R3HDM2: variants seen among roughly 807,000 people sequenced by gnomAD.
R3HDM2 encodes R3H domain-containing protein 2.
In R3HDM2, 38 loss-of-function variants were observed where a neutral mutation model predicts 124.5. The ratio of observed to expected loss-of-function variants is 0.31; its 90% CI spans 0.24 to 0.40. R3HDM2 has a LOEUF of 0.40. Among genes scored for constraint, R3HDM2 ranks in the 10% least tolerant of loss-of-function variants. The pLI is 1.00. For synonymous variants in R3HDM2, 391 were observed against 448.0 expected, an observed-to-expected ratio of 0.87 and a Z score of 1.61; for missense variants, 869 against 1,236.9, an observed-to-expected ratio of 0.70 and a Z score of 4.46.
intron 2 of R3HDM2, among the ~76,000 whole-genome samples, chr12:57,370,222 T>C (rs2063153182): frequency 1.3e-5 from 2 of 152,130 alleles, no homozygotes; most frequent in African/African-American, 2.4e-5. Context: ...TTTTAATACA[T>C]AAGCGTCTGG....
At chr12:57,281,414 G>A (rs1279673716) in intron 13 of R3HDM2, among the ~76,000 whole-genome samples, 1 of 151,762 alleles carries the variant, frequency 6.6e-6, no homozygotes, top group African/African-American at 2.4e-5. Flanking sequence ...ACTTTACTAT[G>A]TGCCAAGCAC....
At chr12:57,374,181 T>C (rs541457927) in intron 2 of R3HDM2, among the ~76,000 whole-genome samples, 8 of 151,602 alleles carry the variant, frequency 5.3e-5, no homozygotes, top group Non-Finnish European at 1.2e-4. Context: ...GAAAATACGA[T>C]GTAATAATGA....
intron 4 of R3HDM2, among the ~76,000 whole-genome samples, chr12:57,302,393 C>T (rs1007136382): frequency 4.0e-5 from 6 of 151,330 alleles, no homozygotes; most frequent in Non-Finnish European, 7.4e-5. Context: ...AAGCCGGGCA[C>T]GGTGGCTCAT....
chr12:57,284,194 T>C, intron 12 of R3HDM2, 138 bp from the exon 13 acceptor site: 1 of 812,476 alleles, frequency 1.2e-6, no homozygotes, highest in Non-Finnish European at 1.9e-6. Flanking sequence ...TTATTGTTAG[T>C]TGGCTGGCCA....
intron 21 of R3HDM2, among the ~76,000 whole-genome samples, chr12:57,256,761 C>G (rs1592298750): frequency 1.3e-5 from 2 of 152,000 alleles, no homozygotes; most frequent in East Asian, 3.9e-4. Flanking sequence ...CTGTAGACAA[C>G]AGTCCTATGA....
chr12:57,269,683 G>A, intron 15 of R3HDM2, 69 bp downstream of exon 15: 1 of 1,596,744 alleles, frequency 6.3e-7, no homozygotes, highest in South Asian at 1.1e-5. Flanking sequence ...CTAAACTGGA[G>A]GAATAAAGAA....
At chr12:57,284,245 A>G (rs1354572276) in intron 12 of R3HDM2, among the ~76,000 whole-genome samples, 189 bp from the exon 13 acceptor site, 2 of 152,226 alleles carry the variant, frequency 1.3e-5, no homozygotes, top group Non-Finnish European at 2.9e-5. Flanking sequence ...GATCCAGTAC[A>G]GTAACAAAGA....
chr12:57,418,182 A>G (rs1315514882), intron 1 of R3HDM2: 8 of 985,242 alleles, frequency 8.1e-6, no homozygotes. Flanking sequence ...CCCAAGACAC[A>G]AACCTGAGCG....
intron 5 of R3HDM2, among the ~76,000 whole-genome samples, chr12:57,299,860 G>T (rs897500071): frequency 9.2e-5 from 14 of 152,108 alleles, no homozygotes; most frequent in East Asian, 3.8e-4. Flanking sequence ...CTATGCTGGG[G>T]TTTTTTTCTT....
intron 14 of R3HDM2, among the ~76,000 whole-genome samples, chr12:57,270,858 C>T (rs1411314787): frequency 2.6e-5 from 4 of 152,138 alleles, no homozygotes; most frequent in African/African-American, 9.7e-5. Flanking sequence ...TGTGAGCCAC[C>T]GCGCCTGGCC....
chr12:57,402,956 T>C (rs1161859015), intron 1 of R3HDM2, among the ~76,000 whole-genome samples: 1 of 152,174 alleles, frequency 6.6e-6, no homozygotes, highest in African/African-American at 2.4e-5. Context: ...AATATACATA[T>C]ACATACTTGC....
At chr12:57,306,745 C>T (rs562669488) in intron 3 of R3HDM2, among the ~76,000 whole-genome samples, 3 of 151,920 alleles carry the variant, frequency 2.0e-5, no homozygotes, top group African/African-American at 7.2e-5. Flanking sequence ...CTGGGCGGGG[C>T]GGCTCACGCC....
At chr12:57,374,103 G>T (rs964968415) in intron 2 of R3HDM2, among the ~76,000 whole-genome samples, 3 of 152,104 alleles carry the variant, frequency 2.0e-5, no homozygotes, top group Non-Finnish European at 2.9e-5. Flanking sequence ...ACTCCAGCCT[G>T]GGTGCCAGAG....
rs573793706 is a variant in R3HDM2, at chr12:57,424,632, A to G, written c.-106+6088T>C. Among the ~76,000 whole-genome samples, 8 of 152,282 alleles carry G rather than the reference A, an allele frequency of 5.3e-5. No individual in the cohort carries two copies. In the South Asian group the frequency reaches 1.7e-3, roughly 32 times the overall value. Reference sequence around the variant, plus strand: ...TGTTCCTCATAAACAAAAACCATAAATTCTTACAATTGTCATACGCAACAA... The same window carrying G: ...TGTTCCTCATAAACAAAAACCATAAGTTCTTACAATTGTCATACGCAACAA... On this transcript the variant is annotated intron_variant, in intron 1 of 23. Transcript: ENST00000402412.
At chr12:57,277,441 ATT>A (rs34853640) in intron 14 of R3HDM2, among the ~76,000 whole-genome samples, 10 of 140,934 alleles carry the variant, frequency 7.1e-5, no homozygotes, top group Non-Finnish European at 9.4e-5. Context: ...TTCCTCAAAG[ATT>A]TTTTTTTTTT....
chr12:57,325,842 TTTTTC>T (rs920043490), intron 2 of R3HDM2, among the ~76,000 whole-genome samples: 60 of 150,688 alleles, frequency 4.0e-4, no homozygotes, highest in Middle Eastern at 6.8e-3. Flanking sequence ...TGTGCCTGGT[TTTTTC>T]TTTTCTTTTT....
At chr12:57,395,008 G>T (rs1017460388) in intron 2 of R3HDM2, among the ~76,000 whole-genome samples, 1 of 151,952 alleles carries the variant, frequency 6.6e-6, no homozygotes, top group Non-Finnish European at 1.5e-5. Flanking sequence ...AGGAGTTCAA[G>T]ACCAGCCTGG....
intron 2 of R3HDM2, among the ~76,000 whole-genome samples, chr12:57,363,933 T>C (rs557596716): frequency 6.6e-6 from 1 of 151,706 alleles, no homozygotes; most frequent in Non-Finnish European, 1.5e-5. Context: ...AAGCCACTAA[T>C]GTTTTGCCCA....
At chr12:57,365,481 G>A (rs2062526448) in intron 2 of R3HDM2, among the ~76,000 whole-genome samples, 1 of 152,098 alleles carries the variant, frequency 6.6e-6, no homozygotes, top group Admixed American at 6.6e-5. Flanking sequence ...CTGCTTTTAA[G>A]ACTTTATCAC....
Sources: allele counts gnomAD v4.1 joint callset (sites outside exome capture counted in the v4.1 genomes callset), GRCh38; gene constraint gnomAD v4.1.1; transcripts MANE v1.5; gene names NCBI Gene and HGNC (gene_info 2026-07-23, HGNC 2026-07-21).